The following MAGED1 variants were observed in gnomAD, a reference collection of about 807,000 sequenced individuals.
MAGED1 encodes melanoma-associated antigen D1.
Under a neutral mutation model 54.1 loss-of-function variants are expected in MAGED1, and 3 were observed. The observed-to-expected ratio is 0.06, with a 90% CI of 0.03 to 0.14. The LOEUF (loss-of-function observed/expected upper bound fraction) is 0.14. Ranked by LOEUF, MAGED1 falls within the 10% of genes least tolerant of loss-of-function variation. The pLI, the probability that MAGED1 is intolerant of heterozygous loss-of-function variation, is 1.00. For synonymous variants in MAGED1, 217 were observed against 227.3 expected, an observed-to-expected ratio of 0.95 and a Z score of 0.41; for missense variants, 485 against 623.4, an observed-to-expected ratio of 0.78 and a Z score of 2.36.
At position 51,882,769 on chromosome X, in the gene MAGED1, C is replaced by A. The variant is rs978581028; in HGVS notation, c.-36-11500C>A. On this transcript the variant is annotated intron_variant, in intron 1 of 12. Transcript: ENST00000375772. ...GCAGTGGTGCGATCTTGGCTCACTG[C>A]AACCTCCGCCTCCCGGGTTCAAGCG... is the stretch of plus-strand genomic sequence containing the variant. Among the ~76,000 whole-genome samples the A allele has an allele frequency of 3.6e-5, 4 of 111,496 alleles. No homozygotes were observed. The Admixed American group carries it at 3.8e-4, about 11-fold the overall frequency.
rs910717071 is a variant in MAGED1, at chrX:51,898,663, C to T, written c.1844+20C>T. 9 of 1,177,730 alleles carry T rather than the reference C, an allele frequency of 7.6e-6. No individual in the cohort carries two copies. The highest frequency in any genetic ancestry group is 1.0e-5 in the Non-Finnish European group (9 of 874,795). Reference sequence around the variant, plus strand: ...GCAGAAGTAAGTGATGCCTAAGGGGCTTTTCCTGCTTCTTATGATTCTGCC... The same window carrying T: ...GCAGAAGTAAGTGATGCCTAAGGGGTTTTTCCTGCTTCTTATGATTCTGCC... On this transcript the variant is annotated intron_variant, in intron 10 of 12. Transcript: ENST00000326587.
intron 11 of MAGED1, among the ~76,000 whole-genome samples, chrX:51,901,309 G>A (rs1379226156): frequency 8.9e-6 from 1 of 111,818 alleles, no homozygotes; most frequent in Non-Finnish European, 1.9e-5. Context: ...CCATGTATAA[G>A]TGAGGTCATG....
chrX:51,840,949 C>T (rs1381235177), intron 1 of MAGED1, among the ~76,000 whole-genome samples: 219 of 110,767 alleles, frequency 2.0e-3, no homozygotes, highest in African/African-American at 6.9e-3. Flanking sequence ...AGTATATACC[C>T]AGTAATGGGA....
intron 1 of MAGED1, among the ~76,000 whole-genome samples, chrX:51,830,158 C>T (rs1926007772): frequency 8.9e-6 from 1 of 111,824 alleles, no homozygotes; most frequent in African/African-American, 3.2e-5. Context: ...ATCTTAAAAA[C>T]ATAATGCTGA....
chrX:51,809,290 A>G (rs1557355371), intron 1 of MAGED1, among the ~76,000 whole-genome samples: 3 of 109,937 alleles, frequency 2.7e-5, no homozygotes, highest in African/African-American at 9.9e-5. Context: ...AATTTTTTGT[A>G]TTTTTAGTAG....
At chrX:51,894,997 C>G in intron 2 of MAGED1, 56 bp from the exon 3 acceptor site, 1 of 1,055,349 alleles carries the variant, frequency 9.5e-7, no homozygotes. Context: ...CTATTCCCAC[C>G]CCACCTCCTG....
chrX:51,852,631 G>T (rs1557359863), intron 1 of MAGED1, among the ~76,000 whole-genome samples: 1 of 111,612 alleles, frequency 9.0e-6, no homozygotes, highest in Non-Finnish European at 1.9e-5. Flanking sequence ...ATTGCAAAGG[G>T]GAACAAGATT....
intron 7 of MAGED1, 51 bp from the exon 8 acceptor site, chrX:51,898,063 G>C: frequency 9.1e-7 from 1 of 1,099,113 alleles, no homozygotes; most frequent in African/African-American, 1.8e-5. Flanking sequence ...GCTGGTTGGG[G>C]TCTCTCATGC....
upstream of MAGED1, chrX:51,893,539 T>G (rs1184440816): frequency 8.8e-6 from 1 of 113,992 alleles, no homozygotes; most frequent in African/African-American, 3.2e-5. Context: ...CAGGCGGGAC[T>G]GACTTTGGCT....
At chrX:51,873,530 T>A (rs1318906533) in intron 1 of MAGED1, among the ~76,000 whole-genome samples, 2 of 51,257 alleles carry the variant, frequency 3.9e-5, no homozygotes, top group African/African-American at 7.3e-5. Context: ...TGTGTGTGTG[T>A]GTGTGAGAGA....
intron 1 of MAGED1, among the ~76,000 whole-genome samples, chrX:51,809,360 C>CGT (rs1925139951): frequency 4.5e-5 from 5 of 111,472 alleles, no homozygotes; most frequent in Admixed American, 2.9e-4. Context: ...GTGATCCACC[C>CGT]GCCTCTGCCT....
intron 1 of MAGED1, 49 bp from the exon 2 acceptor site, chrX:51,894,220 T>A: frequency 3.0e-5 from 22 of 725,894 alleles, no homozygotes; most frequent in Non-Finnish European, 4.7e-5. Flanking sequence ...CCCAATTAGG[T>A]CCTTCGTATT....
intron 1 of MAGED1, among the ~76,000 whole-genome samples, chrX:51,878,760 A>T (rs60919030): frequency 0.25 from 28,155 of 110,857 alleles, 2,842 homozygotes; most frequent in Middle Eastern, 0.33. Context: ...TCTTATACAT[A>T]TATAAATAAA....
chrX:51,813,012 C>G, intron 1 of MAGED1, among the ~76,000 whole-genome samples: 1 of 101,209 alleles, frequency 9.9e-6, no homozygotes, highest in South Asian at 4.7e-4. Flanking sequence ...AATATTTAAC[C>G]GCTGACATCT....
At position 51,894,343 on chromosome X, in the gene MAGED1, C is replaced by G; in HGVS notation, c.39C>G (p.Gly13=). 8.3e-7 allele frequency: 1 copy of G among 1,201,644 alleles called. No homozygotes were observed. Among genetic ancestry groups the G allele is most frequent in the Non-Finnish European group, 1.1e-6 (1 of 890,362 alleles). Residue 13 remains glycine, a synonymous_variant, in exon 2 of 13, where the codon GGC becomes GGG. Coordinates refer to ENST00000326587, the MANE Select transcript of MAGED1 (RefSeq NM_006986.4). ...QKMDCGAGLL[G]FQAEASVEDS... is the part of the protein sequence containing the mutation. ...TGGACTGTGGTGCGGGCCTCCTCGG[C>G]TTCCAGGTGAGATCTCCACTCCCCA...
intron 1 of MAGED1, among the ~76,000 whole-genome samples, chrX:51,880,244 T>C (rs1281999264): frequency 2.7e-5 from 3 of 112,018 alleles, no homozygotes; most frequent in Admixed American, 1.9e-4. Context: ...CCAAAGCAGC[T>C]TTACAGTAAA....
At chrX:51,812,432 A>G (rs782131857) in intron 1 of MAGED1, among the ~76,000 whole-genome samples, 3 of 111,559 alleles carry the variant, frequency 2.7e-5, no homozygotes, top group Non-Finnish European at 5.6e-5. Flanking sequence ...CTCCCAGCCC[A>G]TGGCAACCAC....
intron 1 of MAGED1, among the ~76,000 whole-genome samples, chrX:51,838,579 C>T (rs1276315658): frequency 8.9e-6 from 1 of 112,494 alleles, no homozygotes; most frequent in Non-Finnish European, 1.9e-5. Flanking sequence ...AATCCAGATC[C>T]TGCACAATAA....
intron 1 of MAGED1, among the ~76,000 whole-genome samples, chrX:51,828,570 TC>T (rs1163914299): frequency 2.7e-5 from 3 of 110,609 alleles, no homozygotes; most frequent in Admixed American, 9.6e-5. Context: ...TGCTAGATCT[TC>T]CTGTCTCTCC....
Sources: gnomAD v4.1 joint callset for allele counts (sites outside exome capture counted in the v4.1 genomes callset) on GRCh38, gnomAD v4.1.1 for gene constraint, MANE v1.5 for transcripts, NCBI Gene and HGNC (gene_info 2026-07-23, HGNC 2026-07-21) for gene names.